Variants in DDX46 observed in about 807,000 individuals in gnomAD.
DDX46 encodes DEAD-box helicase 46, also known as probable ATP-dependent RNA helicase DDX46.
A neutral mutation model predicts 134.9 loss-of-function variants in DDX46; 30 were observed. The observed-to-expected ratio is 0.22, with a 90% confidence interval of 0.17 to 0.30. DDX46 has a LOEUF of 0.30. DDX46 is among the 10% of genes least tolerant of loss of function. The probability of loss-of-function intolerance (pLI) is 1.00; values close to 1 mark genes in which losing one functional copy is unlikely to be tolerated. For synonymous variants in DDX46, 415 were observed against 404.1 expected (o/e 1.03, Z -0.32); for missense variants, 622 against 1,248.7 (o/e 0.50, Z 7.56).
chr5:134,774,433 T>C lies in DDX46; in HGVS notation c.613+572T>C, dbSNP rs1209881875. ...TCCTGTGACCATTGGTGTATAAATA[T>C]CTGTTTGAGTCTCTGTATTGAGTTC... On this transcript the variant is annotated intron_variant, in intron 5 of 22. Transcript: ENST00000452510. 2.6e-5 allele frequency among the ~76,000 whole-genome samples: 4 copies of C among 152,296 alleles called. No individual in the cohort carries two copies. The East Asian group carries it at 5.8e-4, about 22-fold the overall frequency.
At chr5:134,770,854 T>A (rs774645047) in intron 3 of DDX46, 49 bp from the exon 4 acceptor site, 1 of 1,477,410 alleles carries the variant, frequency 6.8e-7, no homozygotes, top group South Asian at 1.3e-5. Flanking sequence ...TGAATGTTTC[T>A]AAGTACAAAT....
At chr5:134,790,701 G>A (rs1460256649) in intron 13 of DDX46, 149 bp downstream of exon 13, 2 of 643,462 alleles carry the variant, frequency 3.1e-6, no homozygotes, top group Non-Finnish European at 5.1e-6. Flanking sequence ...CAGTATTGAA[G>A]TACATATTTA....
chr5:134,772,136 C>T (rs546311407), intron 4 of DDX46, among the ~76,000 whole-genome samples: 1 of 152,058 alleles, frequency 6.6e-6, no homozygotes, highest in South Asian at 2.1e-4. Context: ...GAGACTGAGG[C>T]AGGAGAATCA....
At chr5:134,759,021 G>C in intron 1 of DDX46, 66 bp downstream of exon 1, 2 of 1,593,358 alleles carry the variant, frequency 1.3e-6, no homozygotes, top group Middle Eastern at 3.9e-4. Context: ...AGAGGCGGGA[G>C]TTGAGGTGGC....
At chr5:134,804,796 G>A in intron 15 of DDX46, 1 of 391,304 alleles carries the variant, frequency 2.6e-6, no homozygotes, top group African/African-American at 2.1e-5. Context: ...CTGACTCTGT[G>A]CTTGTGCCTT....
At chr5:134,815,190 C>T (rs376167882) in intron 18 of DDX46, among the ~76,000 whole-genome samples, 2 of 152,076 alleles carry the variant, frequency 1.3e-5, no homozygotes, top group Non-Finnish European at 2.9e-5. Flanking sequence ...TAAAGGCGAC[C>T]CTGTCTCAAA....
chr5:134,814,305 G>A (rs906860809), intron 18 of DDX46, among the ~76,000 whole-genome samples: 2 of 152,158 alleles, frequency 1.3e-5, no homozygotes, highest in African/African-American at 2.4e-5. Context: ...TATTCCATGT[G>A]TAAAGGGAAA....
At position 134,784,473 on chromosome 5, in the gene DDX46, C is replaced by T; in HGVS notation, c.1274C>T (p.Ala425Val). ...IAKTGSGKTIAFLLPMFRHIM... is the reference protein window; with the variant it reads ...IAKTGSGKTIVFLLPMFRHIM... ...AAAACAGGAAGTGGAAAGACCATTGCTTTTCTGTTGCCCATGTTTAGACAC... is the reference window on the plus strand; with the variant it reads ...AAAACAGGAAGTGGAAAGACCATTGTTTTTCTGTTGCCCATGTTTAGACAC... The change falls in exon 10 of 23, where the codon GCT becomes GTT. Residue 425 changes from alanine (A) to valine (V), a missense_variant. Ala to Val is a moderately conservative substitution (Grantham distance 64, BLOSUM62 0). Around this residue, in one of 8 missense-constraint regions of DDX46, gnomAD observed 209 missense variants for 508.4 expected, o/e 0.41. Coordinates refer to ENST00000452510, the MANE Select transcript of DDX46 (RefSeq NM_001300860.2). The T allele has an allele frequency of 6.2e-7, 1 of 1,614,116 alleles. No individual in the cohort carries two copies. Among genetic ancestry groups the T allele is most frequent in the Non-Finnish European group, 8.5e-7 (1 of 1,180,002 alleles).
chr5:134,785,917 C>T (rs765249330), intron 11 of DDX46, among the ~76,000 whole-genome samples: 7 of 151,598 alleles, frequency 4.6e-5, no homozygotes, highest in East Asian at 3.9e-4. Context: ...GGCGCGATCT[C>T]GGCTCACTGC....
Position 134,804,864 on chromosome 5 carries a change from A to G in DDX46, c.1955-2884A>G, listed in dbSNP as rs185094169. On this transcript the variant is annotated intron_variant, in intron 15 of 22. Transcript: ENST00000452510. ...TAAGGAAAGCATGCTTAATCCTGTCATGATCACATTTAACACACATGGAAC... is the reference window on the plus strand; with the variant it reads ...TAAGGAAAGCATGCTTAATCCTGTCGTGATCACATTTAACACACATGGAAC... 6.1e-3 allele frequency: 2,438 copies of G among 398,812 alleles called. 39 individuals are homozygous for G. Among genetic ancestry groups the G allele is most frequent in the South Asian group, 0.026 (1,185 of 45,900 alleles). The allele number at this position is 398,812 out of a possible 1,614,324, so 24.7% of individuals were successfully genotyped here.
intron 21 of DDX46, among the ~76,000 whole-genome samples, chr5:134,823,260 C>T (rs1755504160): frequency 6.6e-6 from 1 of 151,200 alleles, no homozygotes; most frequent in Non-Finnish European, 1.5e-5. Context: ...TCCTGGCAGC[C>T]TCCCAAGTAG....
chr5:134,813,025 T>C (rs1292029946), intron 18 of DDX46, among the ~76,000 whole-genome samples: 1 of 151,922 alleles, frequency 6.6e-6, no homozygotes, highest in Non-Finnish European at 1.5e-5. Context: ...CACTGCAACC[T>C]CTGCCTCTCA....
Position 134,792,047 on chromosome 5 carries a change from G to GC in DDX46, c.1626+1495_1626+1496insC, listed in dbSNP as rs1460477575. On this transcript the variant is annotated intron_variant, in intron 13 of 22. Transcript: ENST00000452510. ...CAAAAATTAGCTGGACATGGTGACG[G>GC]GCGCCTGTAATCCCAGCTACTTGGG... is the stretch of plus-strand genomic sequence containing the variant. Among the ~76,000 whole-genome samples the GC allele has an allele frequency of 5.3e-5, 8 of 152,082 alleles. No homozygotes were observed. In the East Asian group the frequency reaches 1.6e-3, roughly 29 times the overall value.
chr5:134,772,569 G>T lies in DDX46; in HGVS notation c.448-1127G>T, dbSNP rs540342699. Among the ~76,000 whole-genome samples, 165 of 152,272 alleles carry T rather than the reference G, an allele frequency of 1.1e-3. No homozygotes were observed. The Middle Eastern group carries it at 0.014, about 13-fold the overall frequency. On this transcript the variant is annotated intron_variant, in intron 4 of 22. Coordinates refer to ENST00000452510, the MANE Select transcript of DDX46 (RefSeq NM_001300860.2). ...TTTAGACATGAGGCCAGGTGCTGTG[G>T]CTCATGCCTGTAATCCCAGGAATTT...
chr5:134,811,395 TTAA>T (rs751369693), intron 17 of DDX46, 37 bp downstream of exon 17: 1 of 1,598,820 alleles, frequency 6.3e-7, no homozygotes, highest in Admixed American at 1.8e-5. Context: ...CTAGAAATCA[TTAA>T]TGTGACTAAA....
Position 134,828,670 on chromosome 5 carries a change from C to A in DDX46, c.3063C>A (p.Tyr1021Ter). 6.6e-7 allele frequency: 1 copy of A among 1,517,302 alleles called. No individual in the cohort carries two copies. The highest frequency in any genetic ancestry group is 1.4e-5 in the South Asian group (1 of 72,556). The allele number at this position is 1,517,302 out of a possible 1,614,324, so 94.0% of individuals were successfully genotyped here. The change falls in exon 23 of 23, where the codon TAC (tyrosine) becomes TAA (stop). Residue 1021 changes from tyrosine (Y) to a stop codon, truncating the protein, a stop_gained. Coordinates refer to ENST00000452510, the MANE Select transcript of DDX46 (RefSeq NM_001300860.2). LOFTEE classifies it high-confidence loss of function. ...ATTTCCTATTACAGCAAAATTCATACCAACCAACAAATAAAGGAAGATACA... is the reference window on the plus strand; with the variant it reads ...ATTTCCTATTACAGCAAAATTCATAACAACCAACAAATAAAGGAAGATACA... Reference protein sequence around the residue: ...KEELIRLQNSYQPTNKGRYKV... With the variant: ...KEELIRLQNS
intron 2 of DDX46, among the ~76,000 whole-genome samples, chr5:134,766,296 G>A (rs1326061645): frequency 3.9e-5 from 6 of 152,184 alleles, no homozygotes; most frequent in Non-Finnish European, 5.9e-5. Context: ...GGTGGCTCAC[G>A]CCTGTAATCC....
intron 15 of DDX46, among the ~76,000 whole-genome samples, chr5:134,806,212 TA>T (rs376183224): frequency 0.18 from 24,850 of 141,788 alleles, 2,220 homozygotes; most frequent in South Asian, 0.37. Flanking sequence ...ACTCCGTCTT[TA>T]AAAAAAAAAA....
intron 13 of DDX46, among the ~76,000 whole-genome samples, 170 bp downstream of exon 13, chr5:134,790,722 T>G (rs1034937150): frequency 6.6e-6 from 1 of 152,244 alleles, no homozygotes; most frequent in Non-Finnish European, 1.5e-5. Flanking sequence ...TGTTTCAGAT[T>G]CCTCACAAAA....
Sources: allele counts gnomAD v4.1 joint callset (sites outside exome capture counted in the v4.1 genomes callset), GRCh38; gene constraint gnomAD v4.1.1; regional missense constraint gnomAD v4.1.1; transcripts MANE v1.5; gene names NCBI Gene and HGNC (gene_info 2026-07-23, HGNC 2026-07-21).